JMJD1C: variants seen among roughly 807,000 people sequenced by gnomAD.
JMJD1C encodes jumonji domain containing 1C, also known as jumonji domain-containing protein 1C.
Under a neutral mutation model 245.3 loss-of-function variants are expected in JMJD1C, and 31 were observed. That is an observed-to-expected ratio of 0.13 (90% CI 0.09 to 0.17). The LOEUF (loss-of-function observed/expected upper bound fraction) is 0.17. Ranked by LOEUF, JMJD1C falls within the 10% of genes least tolerant of loss-of-function variation. The pLI is 1.00. For synonymous variants in JMJD1C, 1,057 were observed against 1,017.4 expected, an observed-to-expected ratio of 1.04 and a Z score of -0.74; for missense variants, 2,691 against 3,000.2, an observed-to-expected ratio of 0.90 and a Z score of 2.41.
chr10:63,476,235 T>G (rs55634046), intron 1 of JMJD1C, among the ~76,000 whole-genome samples: 29,711 of 147,430 alleles, frequency 0.2, 3,917 homozygotes, highest in Non-Finnish European at 0.29. Context: ...ATACATATAT[T>G]TATTTATTAT....
chr10:63,220,763 G>C (rs1172133076), intron 3 of JMJD1C, among the ~76,000 whole-genome samples: 1 of 152,180 alleles, frequency 6.6e-6, no homozygotes, highest in Non-Finnish European at 1.5e-5. Context: ...GGACACTAGA[G>C]TAGCTGAGAA....
intron 2 of JMJD1C, among the ~76,000 whole-genome samples, chr10:63,363,911 A>G (rs972449036): frequency 6.8e-5 from 10 of 146,090 alleles, no homozygotes; most frequent in Non-Finnish European, 1.5e-4. Context: ...GCTGTAGTGC[A>G]GTGGCATGAT....
At chr10:63,255,639 C>T (rs563580339) in intron 3 of JMJD1C, among the ~76,000 whole-genome samples, 1 of 152,136 alleles carries the variant, frequency 6.6e-6, no homozygotes, top group African/African-American at 2.4e-5. Flanking sequence ...TACTTTACAT[C>T]GTTTCTATTT....
intron 2 of JMJD1C, among the ~76,000 whole-genome samples, chr10:63,293,743 T>A (rs1156654373): frequency 6.6e-6 from 1 of 152,084 alleles, no homozygotes; most frequent in African/African-American, 2.4e-5. Context: ...TTATTTCTCC[T>A]TTGACTTTGA....
At chr10:63,303,361 A>G (rs1359298866) in intron 2 of JMJD1C, among the ~76,000 whole-genome samples, 2 of 152,152 alleles carry the variant, frequency 1.3e-5, no homozygotes, top group Non-Finnish European at 2.9e-5. Flanking sequence ...GCCGGAGTAC[A>G]GTGGTGCAAC....
At chr10:63,370,179 G>A (rs188372884) in intron 2 of JMJD1C, among the ~76,000 whole-genome samples, 160 of 152,230 alleles carry the variant, frequency 1.1e-3, no homozygotes, top group Non-Finnish European at 7.1e-4. Flanking sequence ...ATTTTAATTC[G>A]TATACTTTCT....
At chr10:63,185,292 G>A (rs915431112) in intron 20 of JMJD1C, among the ~76,000 whole-genome samples, 2 of 152,090 alleles carry the variant, frequency 1.3e-5, no homozygotes, top group Non-Finnish European at 2.9e-5. Flanking sequence ...CACCATGCTT[G>A]GCTAATTTTT....
chr10:63,444,781 A>C (rs957650553), intron 1 of JMJD1C, among the ~76,000 whole-genome samples: 5 of 152,140 alleles, frequency 3.3e-5, no homozygotes, highest in African/African-American at 4.8e-5. Flanking sequence ...GCCCACCACC[A>C]CGCCCAGCTA....
At chr10:63,293,910 T>C (rs566573525) in intron 2 of JMJD1C, among the ~76,000 whole-genome samples, 38 of 152,186 alleles carry the variant, frequency 2.5e-4, no homozygotes, top group African/African-American at 7.7e-4. Context: ...CTAAGTATTA[T>C]CTATATGCAG....
chr10:63,448,345 C>T (rs1430938260), intron 1 of JMJD1C, among the ~76,000 whole-genome samples: 2 of 151,840 alleles, frequency 1.3e-5, no homozygotes, highest in Non-Finnish European at 2.9e-5. Flanking sequence ...TTAATAGAGG[C>T]GAGGTTTCAT....
At chr10:63,311,902 T>C (rs1024307692) in intron 2 of JMJD1C, among the ~76,000 whole-genome samples, 1 of 152,166 alleles carries the variant, frequency 6.6e-6, no homozygotes, top group Non-Finnish European at 1.5e-5. Flanking sequence ...GTTAGGAATG[T>C]ATTAGGTTAT....
intron 1 of JMJD1C, among the ~76,000 whole-genome samples, chr10:63,458,940 T>C (rs1952601745): frequency 6.6e-6 from 1 of 152,154 alleles, no homozygotes; most frequent in African/African-American, 2.4e-5. Context: ...CAGGCTGGTC[T>C]TGAACTCCTG....
At chr10:63,296,013 A>ATATATATTTTT (rs71025149) in intron 2 of JMJD1C, among the ~76,000 whole-genome samples, 1 of 84,276 alleles carries the variant, frequency 1.2e-5, no homozygotes, top group African/African-American at 4.2e-5. Flanking sequence ...GTATATATAT[A>ATATATATTTTT]TTTTTTTTTT....
intron 3 of JMJD1C, among the ~76,000 whole-genome samples, chr10:63,226,182 T>G (rs1244121197): frequency 6.6e-6 from 1 of 152,204 alleles, no homozygotes; most frequent in Non-Finnish European, 1.5e-5. Context: ...CTTCTAACAC[T>G]GGTTATGTGA....
intron 2 of JMJD1C, among the ~76,000 whole-genome samples, chr10:63,367,519 T>G (rs990055594): frequency 1.3e-5 from 2 of 152,150 alleles, no homozygotes; most frequent in African/African-American, 2.4e-5. Context: ...GTGCTGGGAT[T>G]ACAGGAGTGA....
intron 1 of JMJD1C, among the ~76,000 whole-genome samples, chr10:63,410,317 T>C (rs576504278): frequency 1.2e-4 from 19 of 152,344 alleles, no homozygotes; most frequent in African/African-American, 4.6e-4. Context: ...AAAACATCTA[T>C]GGATTTCTCC....
At position 63,207,470 on chromosome 10, in the gene JMJD1C, G is replaced by A. The variant is rs1846772944; in HGVS notation, c.4199C>T (p.Thr1400Ile). ...AACACTGGTAGTATCGGCAGCAGAT[G>A]TGATTACATCCGTTTTGGTATTACA... ...TMCNTKTDVI[T>I]SAADTTSVSS... The change falls in exon 10 of 26, where the codon ACA (threonine) becomes ATA (isoleucine). Residue 1400 changes from threonine (T) to isoleucine (I), a missense_variant. Transcript: ENST00000399262. 6.2e-7 allele frequency: 1 copy of A among 1,614,200 alleles called. No homozygotes were observed. Among genetic ancestry groups the A allele is most frequent in the Non-Finnish European group, 8.5e-7 (1 of 1,180,014 alleles).
At position 63,292,144 on chromosome 10, in the gene JMJD1C, ATTTTTTTT is replaced by A. The variant is rs573065816; in HGVS notation, c.334-27388_334-27381del. 2.1e-4 allele frequency among the ~76,000 whole-genome samples: 12 copies of A among 56,350 alleles called. 1 individual carries two copies. Among genetic ancestry groups the A allele is most frequent in the East Asian group, 1.7e-3 (3 of 1,748 alleles). The allele number at this position is 56,350 out of a possible 152,430, so 37.0% of individuals were successfully genotyped here. A position where few individuals can be genotyped will look rare whatever the true frequency, so the allele number is the denominator to read the frequency against. On this transcript the variant is annotated intron_variant, in intron 2 of 25. Transcript: ENST00000399262. The stretch of plus-strand genomic sequence containing the variant: ...TTTTTTTTAGTTTCTGTAGAGACAG[ATTTTTTTT>A]TTTTTTTTTTTGCCTAGGCTGGTCT...
At position 63,440,511 on chromosome 10, in the gene JMJD1C, G is replaced by C. The variant is rs187418789; in HGVS notation, c.168+24984C>G. ...CATCTGCCTTTATAATACCTCAAAT[G>C]ATTCTAATTACATTGTTTTTCATTC... On this transcript the variant is annotated intron_variant, in intron 1 of 25. Coordinates refer to ENST00000399262, the MANE Select transcript of JMJD1C (RefSeq NM_032776.3). 5.3e-5 allele frequency among the ~76,000 whole-genome samples: 8 copies of C among 151,922 alleles called. No individual in the cohort carries two copies. In the East Asian group the frequency reaches 1.4e-3, roughly 26 times the overall value.
Sources: gnomAD v4.1 joint callset for allele counts (sites outside exome capture counted in the v4.1 genomes callset) on GRCh38, gnomAD v4.1.1 for gene constraint, MANE v1.5 for transcripts, NCBI Gene and HGNC (gene_info 2026-07-23, HGNC 2026-07-21) for gene names.